VWA3B: variants seen among roughly 807,000 people sequenced by gnomAD.
VWA3B encodes the protein von Willebrand factor A domain-containing protein 3B.
In VWA3B, 138 loss-of-function variants were observed where a neutral mutation model predicts 158.3. The observed-to-expected ratio is 0.87, with a 90% CI of 0.76 to 1.00. VWA3B has a LOEUF of 1.00. Ranked by LOEUF, VWA3B falls within the 50% of genes least tolerant of loss-of-function variation. The pLI, the probability that VWA3B is intolerant of heterozygous loss-of-function variation, is 0.00. For missense variants in VWA3B, 1,555 were observed against 1,565.1 expected (o/e 0.99, Z 0.11); for synonymous variants, 596 against 587.3 (o/e 1.01, Z -0.21).
chr2:98,206,725 C>T (rs1404030630), intron 12 of VWA3B: 3 of 326,588 alleles, frequency 9.2e-6, no homozygotes, highest in South Asian at 8.6e-5. Flanking sequence ...TGGATTTCCT[C>T]ACTCCCTAGC....
At chr2:98,228,095 C>A in intron 14 of VWA3B, 107 bp from the exon 15 acceptor site, 3 of 1,300,758 alleles carry the variant, frequency 2.3e-6, no homozygotes, top group South Asian at 1.7e-5. Flanking sequence ...TCAAGACCAG[C>A]GTGGGCAACA....
At chr2:98,271,111 A>G (rs1688177400) in intron 22 of VWA3B, among the ~76,000 whole-genome samples, 1 of 152,090 alleles carries the variant, frequency 6.6e-6, no homozygotes, top group African/African-American at 2.4e-5. Flanking sequence ...AATTGAAAAA[A>G]AAAAGCTAAA....
intron 9 of VWA3B, 37 bp downstream of exon 9, chr2:98,181,249 C>T (rs748669049): frequency 9.4e-6 from 15 of 1,599,062 alleles, no homozygotes; most frequent in Non-Finnish European, 1.3e-5. Context: ...GCTGGGGCCT[C>T]CCCTCAAGTC....
chr2:98,163,015 A>C, intron 8 of VWA3B, 39 bp downstream of exon 8: 1 of 1,609,438 alleles, frequency 6.2e-7, no homozygotes, highest in South Asian at 1.1e-5. Context: ...AAAGATTCAT[A>C]AATGTTACTA....
chr2:98,139,762 C>T (rs912256720), intron 7 of VWA3B, among the ~76,000 whole-genome samples: 3 of 152,118 alleles, frequency 2.0e-5, no homozygotes, highest in East Asian at 3.9e-4. Context: ...ACAGACCACT[C>T]GGCTCTACCA....
At chr2:98,271,841 G>A (rs1328473552) in intron 22 of VWA3B, among the ~76,000 whole-genome samples, 1 of 152,184 alleles carries the variant, frequency 6.6e-6, no homozygotes, top group Non-Finnish European at 1.5e-5. Context: ...ACTATACATG[G>A]GTGTGTGTGG....
At position 98,210,555 on chromosome 2, in the gene VWA3B, C is replaced by A. The variant is rs138375763; in HGVS notation, c.1738-1375C>A. On this transcript the variant is annotated intron_variant, in intron 12 of 27. Coordinates refer to ENST00000477737, the MANE Select transcript of VWA3B (RefSeq NM_144992.5). Reference sequence around the variant, plus strand: ...AAAGGGAGTAAAGCTGATGAAGGAGCCTTAGGTGAGAGCAGCTGGATGGGT... The same window carrying A: ...AAAGGGAGTAAAGCTGATGAAGGAGACTTAGGTGAGAGCAGCTGGATGGGT... Among the ~76,000 whole-genome samples the A allele has an allele frequency of 6.9e-4, 105 of 152,222 alleles. 1 individual carries two copies. Among genetic ancestry groups the A allele is most frequent in the African/African-American group, 2.4e-3 (99 of 41,530 alleles).
chr2:98,321,667 T>C, the VWA3B span, among the ~76,000 whole-genome samples: 1 of 152,230 alleles, frequency 6.6e-6, no homozygotes, highest in Non-Finnish European at 1.5e-5. Flanking sequence ...AATAACTTGC[T>C]TTTGATTATA....
At chr2:98,200,545 A>C (rs1300604336) in intron 12 of VWA3B, among the ~76,000 whole-genome samples, 22 of 87,136 alleles carry the variant, frequency 2.5e-4, no homozygotes, top group Non-Finnish European at 3.2e-4. Context: ...TCCATCTCAA[A>C]AAAAAAAAAA....
Position 98,312,021 on chromosome 2 carries a change from C to T in VWA3B, c.3724C>T (p.Pro1242Ser), listed in dbSNP as rs199961485. The T allele has an allele frequency of 4.4e-6, 7 of 1,597,832 alleles. No homozygotes were observed. Among genetic ancestry groups the T allele is most frequent in the South Asian group, 2.3e-5 (2 of 88,706 alleles). The change falls in exon 27 of 28, where the codon CCC (proline) becomes TCC (serine). Residue 1242 changes from proline to serine, a missense_variant. Coordinates refer to ENST00000477737, the MANE Select transcript of VWA3B (RefSeq NM_144992.5). ...CCATGGGTCCTGCCAGGGGACACAC[C>T]CCGAGCCCAGGGTTTGGGTGATGGG... is the stretch of plus-strand genomic sequence containing the variant. The part of the protein sequence containing the change: ...SSHGSCQGTH[P>S]EPRTAHLHFP...
chr2:98,199,684 C>T (rs1005504350), intron 12 of VWA3B, among the ~76,000 whole-genome samples: 3 of 152,152 alleles, frequency 2.0e-5, no homozygotes, highest in African/African-American at 7.2e-5. Flanking sequence ...ATAAGCATGC[C>T]TACTCTTTGC....
intron 8 of VWA3B, among the ~76,000 whole-genome samples, chr2:98,166,805 C>CACACACACACAT (rs1239399514): frequency 6.6e-6 from 1 of 151,932 alleles, no homozygotes; most frequent in East Asian, 1.9e-4. Flanking sequence ...CTAATACACA[C>CACACACACACAT]ACACACACAC....
chr2:98,215,992 T>A (rs1243454036), intron 13 of VWA3B, among the ~76,000 whole-genome samples: 2 of 152,224 alleles, frequency 1.3e-5, no homozygotes, highest in African/African-American at 4.8e-5. Flanking sequence ...TTTCCATTTT[T>A]TGCTTTTGAA....
At chr2:98,222,794 G>A (rs72948988) in intron 14 of VWA3B, among the ~76,000 whole-genome samples, 1,544 of 152,302 alleles carry the variant, frequency 0.01, 24 homozygotes, top group African/African-American at 0.034. Flanking sequence ...TCAAACTGCC[G>A]TTGGAGCAAA....
rs1681872630 is a variant in VWA3B, at chr2:98,194,497, G to A, written c.1737+5G>A. On this transcript the variant is annotated splice_donor_5th_base_variant and intron_variant, in intron 12 of 27. Transcript: ENST00000477737. ...TCCTGGATTAGAGACATAAAGGTAA[G>A]TTGGAGACTAAGCTGGGAGAAGCAT... is the stretch of plus-strand genomic sequence containing the variant. The A allele has an allele frequency of 6.2e-7, 1 of 1,613,408 alleles. No individual in the cohort carries two copies. The highest frequency in any genetic ancestry group is 1.3e-5 in the African/African-American group (1 of 75,040).
At chr2:98,109,870 T>C (rs952408878) in intron 2 of VWA3B, among the ~76,000 whole-genome samples, 1 of 151,816 alleles carries the variant, frequency 6.6e-6, no homozygotes, top group Non-Finnish European at 1.5e-5. Flanking sequence ...AGAAAACCAC[T>C]ATCATTAGAA....
chr2:98,250,768 G>A (rs770658089), intron 20 of VWA3B, among the ~76,000 whole-genome samples: 8 of 152,100 alleles, frequency 5.3e-5, no homozygotes, highest in Non-Finnish European at 8.8e-5. Flanking sequence ...GAGTATAGTT[G>A]GAGTATTTGT....
Position 98,119,700 on chromosome 2 carries a change from G to C in VWA3B, c.479G>C (p.Arg160Pro). Residue 160 changes from arginine to proline, a missense_variant, in exon 4 of 28, where the codon CGA becomes CCA. Coordinates refer to ENST00000477737, the MANE Select transcript of VWA3B (RefSeq NM_144992.5). ...CTGGAGGGGGAGCTTGATCTGTGCC[G>C]AGAGGCTCTAACAATGGTTCTCCAG... The part of the protein sequence containing the change: ...GILEGELDLC[R>P]EALTMVLQEQ... 2 of 1,614,124 alleles carry C rather than the reference G, an allele frequency of 1.2e-6. No individual in the cohort carries two copies. The highest frequency in any genetic ancestry group is 1.7e-6 in the Non-Finnish European group (2 of 1,180,024).
chr2:98,180,629 G>C (rs1217446759), intron 8 of VWA3B, among the ~76,000 whole-genome samples: 4 of 152,222 alleles, frequency 2.6e-5, no homozygotes, highest in African/African-American at 9.6e-5. Context: ...TGAGCAACTT[G>C]CTAGAAGGTG....
Sources: allele counts gnomAD v4.1 joint callset (sites outside exome capture counted in the v4.1 genomes callset), GRCh38; gene constraint gnomAD v4.1.1; transcripts MANE v1.5; gene names NCBI Gene and HGNC (gene_info 2026-07-23, HGNC 2026-07-21).